Variants in TSNARE1 observed in about 807,000 individuals in gnomAD.
TSNARE1 encodes t-SNARE domain containing 1.
TSNARE1 carries 49 observed loss-of-function variants against 62.0 expected under a neutral mutation model. That is an observed-to-expected ratio of 0.79 (90% CI 0.63 to 1.00). The LOEUF (loss-of-function observed/expected upper bound fraction) is 1.00, where lower values mean the gene tolerates loss of function less well. TSNARE1 is among the 50% of genes least tolerant of loss of function. The probability of loss-of-function intolerance (pLI) is 0.00; values close to 1 mark genes in which losing one functional copy is unlikely to be tolerated. For synonymous variants in TSNARE1, 328 were observed against 294.4 expected (o/e 1.11, Z -1.17); for missense variants, 755 against 700.1 (o/e 1.08, Z -0.88).
intron 1 of TSNARE1, among the ~76,000 whole-genome samples, chr8:142,387,665 T>C (rs1300813954): frequency 3.3e-5 from 5 of 152,130 alleles, no homozygotes; most frequent in Admixed American, 1.3e-4. Context: ...TTGATAATCA[T>C]TTGGGAAAAT....
chr8:142,311,831 C>CT (rs1200009999), intron 9 of TSNARE1, among the ~76,000 whole-genome samples: 1 of 151,766 alleles, frequency 6.6e-6, no homozygotes, highest in African/African-American at 2.4e-5. Context: ...TTCACCAATC[C>CT]TTTTTTCTGC....
At chr8:142,330,005 C>T (rs966570090) in intron 6 of TSNARE1, among the ~76,000 whole-genome samples, 21 of 152,240 alleles carry the variant, frequency 1.4e-4, no homozygotes, top group Non-Finnish European at 1.5e-4. Flanking sequence ...GTGGCCCTCC[C>T]GGCCTCCTCA....
At chr8:142,396,896 C>G (rs1210591232) in intron 1 of TSNARE1, among the ~76,000 whole-genome samples, 1 of 152,226 alleles carries the variant, frequency 6.6e-6, no homozygotes, top group Non-Finnish European at 1.5e-5. Context: ...GTCTACTGTG[C>G]GAGCTGGCCG....
At chr8:142,327,976 C>G (rs1830495678) in intron 6 of TSNARE1, among the ~76,000 whole-genome samples, 1 of 152,098 alleles carries the variant, frequency 6.6e-6, no homozygotes. Context: ...CCTCACCACA[C>G]TGGGGAGGTG....
Position 142,300,627 on chromosome 8 carries a change from A to G in TSNARE1, c.1149T>C (p.Phe383=). The change falls in exon 10 of 14, where the codon TTT becomes TTC. Residue 383 remains phenylalanine, a synonymous_variant. Transcript: ENST00000524325. ...CCTTCTCATCATCAGCCAGCTCGGC[A>G]AACGGGGCCTGGGGACTCTGCTGAT... The part of the protein sequence containing the change: ...RGSKQSPQAP[F]AELADDEKVF... 6.2e-7 allele frequency: 1 copy of G among 1,613,602 alleles called. No homozygotes were observed. Among genetic ancestry groups the G allele is most frequent in the Non-Finnish European group, 8.5e-7 (1 of 1,179,896 alleles).
intron 12 of TSNARE1, chr8:142,273,436 C>T (rs1819925326): frequency 2.0e-6 from 2 of 985,408 alleles, no homozygotes; most frequent in Non-Finnish European, 2.4e-6. Context: ...TAGCTGCCCT[C>T]AGCGACTAGA....
chr8:142,339,717 C>CA (rs1832269621), intron 4 of TSNARE1, among the ~76,000 whole-genome samples: 1 of 152,256 alleles, frequency 6.6e-6, no homozygotes, highest in Non-Finnish European at 1.5e-5. Flanking sequence ...CCCACCTGGA[C>CA]AACCACTCCC....
chr8:142,228,161 C>T (rs1169414732), intron 13 of TSNARE1, among the ~76,000 whole-genome samples: 1 of 152,242 alleles, frequency 6.6e-6, no homozygotes. Context: ...TACAGTCTCA[C>T]AAGAGACCCA....
chr8:142,270,349 AC>A (rs1463089688), intron 12 of TSNARE1: 5 of 985,242 alleles, frequency 5.1e-6, no homozygotes, highest in Admixed American at 6.1e-5. Flanking sequence ...GCTCCAACTC[AC>A]GTGCTCGTCA....
intron 6 of TSNARE1, among the ~76,000 whole-genome samples, chr8:142,320,303 C>T (rs570996398): frequency 6.6e-6 from 1 of 152,124 alleles, no homozygotes; most frequent in African/African-American, 2.4e-5. Context: ...TAAGCCCACG[C>T]GGGTGGCCTC....
chr8:142,290,633 G>A (rs937109396), intron 10 of TSNARE1, among the ~76,000 whole-genome samples: 3 of 152,230 alleles, frequency 2.0e-5, no homozygotes, highest in Non-Finnish European at 2.9e-5. Context: ...GACTATTCCA[G>A]TTAATGGAGC....
intron 1 of TSNARE1, among the ~76,000 whole-genome samples, chr8:142,402,134 G>A (rs1257046548): frequency 6.6e-6 from 1 of 152,202 alleles, no homozygotes; most frequent in Non-Finnish European, 1.5e-5. Flanking sequence ...ACTAAAAGAA[G>A]AGGCAAGTGT....
intron 12 of TSNARE1, chr8:142,273,852 C>T (rs976786283): frequency 3.0e-6 from 3 of 985,290 alleles, no homozygotes; most frequent in Non-Finnish European, 3.6e-6. Flanking sequence ...TCTGCGGGCA[C>T]AGCTGTGATA....
At chr8:142,400,786 C>T (rs1419383542) in intron 1 of TSNARE1, among the ~76,000 whole-genome samples, 1 of 152,356 alleles carries the variant, frequency 6.6e-6, no homozygotes, top group Middle Eastern at 3.4e-3. Context: ...GAACAAATGA[C>T]GTCCTAGAAC....
intron 1 of TSNARE1, among the ~76,000 whole-genome samples, chr8:142,371,291 A>C (rs1835894153): frequency 6.6e-6 from 1 of 151,874 alleles, no homozygotes; most frequent in African/African-American, 2.4e-5. Flanking sequence ...AAATACATAA[A>C]CTCTTCCATG....
intron 10 of TSNARE1, among the ~76,000 whole-genome samples, chr8:142,297,549 G>A (rs1023736098): frequency 3.9e-5 from 6 of 152,204 alleles, no homozygotes; most frequent in Non-Finnish European, 7.3e-5. Flanking sequence ...AATGTGGGAG[G>A]AGAGATGAGG....
intron 11 of TSNARE1, chr8:142,277,420 C>A (rs907614777): frequency 9.1e-6 from 9 of 985,280 alleles, no homozygotes; most frequent in African/African-American, 1.7e-5. Context: ...AACTCGCTGC[C>A]CCCAGCCCCA....
At chr8:142,243,820 C>T (rs1487272018) in intron 12 of TSNARE1, among the ~76,000 whole-genome samples, 1 of 152,188 alleles carries the variant, frequency 6.6e-6, no homozygotes, top group East Asian at 1.9e-4. Flanking sequence ...AATTTTTCCA[C>T]AATAATACAT....
chr8:142,219,729 T>C (rs939685830), intron 13 of TSNARE1, among the ~76,000 whole-genome samples: 1 of 152,198 alleles, frequency 6.6e-6, no homozygotes, highest in Non-Finnish European at 1.5e-5. Context: ...ATGCCCGGGA[T>C]GACCCTGAGC....
Sources: allele counts gnomAD v4.1 joint callset (sites outside exome capture counted in the v4.1 genomes callset), GRCh38; gene constraint gnomAD v4.1.1; transcripts MANE v1.5; gene names NCBI Gene and HGNC (gene_info 2026-07-23, HGNC 2026-07-21).